IMMP2L: variants seen among roughly 807,000 people sequenced by gnomAD.
IMMP2L encodes the protein inner mitochondrial membrane peptidase subunit 2, also known as mitochondrial inner membrane protease subunit 2.
In IMMP2L, 18 loss-of-function variants were observed where a neutral mutation model predicts 19.3. The observed-to-expected ratio is 0.93, with a 90% CI of 0.64 to 1.38. The LOEUF (loss-of-function observed/expected upper bound fraction) is 1.38, where lower values mean the gene tolerates loss of function less well. Ranked by LOEUF, IMMP2L falls within the 40% of genes most tolerant of loss-of-function variation. IMMP2L has a pLI of 0.00. For missense variants in IMMP2L, 233 were observed against 218.2 expected, an observed-to-expected ratio of 1.07 and a Z score of -0.43; for synonymous variants, 76 against 73.0, an observed-to-expected ratio of 1.04 and a Z score of -0.21.
intron 3 of IMMP2L, among the ~76,000 whole-genome samples, chr7:111,484,064 A>G (rs540009582): frequency 2.6e-5 from 4 of 152,326 alleles, no homozygotes; most frequent in Admixed American, 2.6e-4. Flanking sequence ...GCTTTTCTCT[A>G]TTTATGACTT....
chr7:110,851,340 T>C (rs1318015519), intron 5 of IMMP2L, among the ~76,000 whole-genome samples: 1 of 152,150 alleles, frequency 6.6e-6, no homozygotes, highest in Non-Finnish European at 1.5e-5. Context: ...ATTTATTAAG[T>C]CTAATGTAGA....
chr7:110,932,864 C>A (rs1311123106), intron 4 of IMMP2L, among the ~76,000 whole-genome samples: 2 of 152,128 alleles, frequency 1.3e-5, no homozygotes, highest in African/African-American at 4.8e-5. Flanking sequence ...TCCATGTTGC[C>A]TTTCTGGAGA....
chr7:110,869,342 T>C (rs1259330926), intron 5 of IMMP2L, among the ~76,000 whole-genome samples: 1 of 152,116 alleles, frequency 6.6e-6, no homozygotes, highest in Non-Finnish European at 1.5e-5. Context: ...TATACATAAG[T>C]GCAATAGTTG....
At chr7:111,522,926 C>CATATATATATATACATATATATATATAT (rs148789480) in intron 1 of IMMP2L, among the ~76,000 whole-genome samples, 1 of 134,868 alleles carries the variant, frequency 7.4e-6, no homozygotes, top group Non-Finnish European at 1.6e-5. Context: ...ATGTGAGATA[C>CATATATATATATACATATATATATATAT]ATATATATAT....
At chr7:111,056,783 T>C (rs962648143) in intron 3 of IMMP2L, among the ~76,000 whole-genome samples, 1 of 152,154 alleles carries the variant, frequency 6.6e-6, no homozygotes, top group Non-Finnish European at 1.5e-5. Flanking sequence ...ATATTTACTA[T>C]CCATTAAGTG....
rs77080369 is a variant in IMMP2L, at chr7:111,106,595, A to G, written c.240-143030T>C. ...TTGCTATTTTGAGGTGGAGACTCAA[A>G]TAGGGCAAGAGTTGGTGAAGTATGG... On this transcript the variant is annotated intron_variant, in intron 3 of 5. Transcript: ENST00000405709. 9.8e-3 allele frequency among the ~76,000 whole-genome samples: 1,477 copies of G among 151,260 alleles called. 23 individuals carry two copies. Among genetic ancestry groups the G allele is most frequent in the Non-Finnish European group, 0.011 (733 of 67,698 alleles).
rs910636148 is a variant in IMMP2L, at chr7:111,140,563, G to A, written c.240-176998C>T. On this transcript the variant is annotated intron_variant, in intron 3 of 5. Transcript: ENST00000405709. ...AATAAACTTTGTAAAAACTGAGAAC[G>A]TAAGACATGAGAAAGCTAAGAAATG... 9.9e-5 allele frequency among the ~76,000 whole-genome samples: 15 copies of A among 152,212 alleles called. 1 individual carries two copies. The highest frequency in any genetic ancestry group is 3.4e-3 in the Middle Eastern group (1 of 294).
chr7:111,123,631 A>G lies in IMMP2L; in HGVS notation c.240-160066T>C. On this transcript the variant is annotated intron_variant, in intron 3 of 5. Coordinates refer to ENST00000405709, the MANE Select transcript of IMMP2L (RefSeq NM_032549.4). The surrounding 1 kb of genome is among the most constrained non-coding windows in gnomAD (Gnocchi z 6.4). Reference sequence around the variant, plus strand: ...TGATTTTAGCAATATGCTACACTTAAAAGAGTTGGGGATAAATAATATGCC... The same window carrying G: ...TGATTTTAGCAATATGCTACACTTAGAAGAGTTGGGGATAAATAATATGCC... 1 of 1,613,816 alleles carries G rather than the reference A, an allele frequency of 6.2e-7. No homozygotes were observed. The highest frequency in any genetic ancestry group is 8.5e-7 in the Non-Finnish European group (1 of 1,179,874).
intron 5 of IMMP2L, among the ~76,000 whole-genome samples, chr7:110,875,473 C>T: frequency 6.6e-6 from 1 of 152,054 alleles, no homozygotes; most frequent in East Asian, 1.9e-4. Flanking sequence ...TAGAATTTCT[C>T]CTTGACTAGA....
chr7:110,743,861 G>A (rs1324444311), intron 5 of IMMP2L, among the ~76,000 whole-genome samples: 2 of 148,404 alleles, frequency 1.3e-5, no homozygotes, highest in Non-Finnish European at 3.0e-5. Context: ...AGCTGGAGGA[G>A]TTTTTTTTTT....
Position 111,385,673 on chromosome 7 carries a change from G to A in IMMP2L, c.239+101565C>T, listed in dbSNP as rs1831669244. 2.0e-5 allele frequency among the ~76,000 whole-genome samples: 3 copies of A among 152,056 alleles called. No homozygotes were observed. In the South Asian group the frequency reaches 6.2e-4, roughly 32 times the overall value. The stretch of plus-strand genomic sequence containing the variant: ...CATATAAACGTCATTTTACTCTACT[G>A]GTTACTTGGCTGTCATAAGACAGAA... On this transcript the variant is annotated intron_variant, in intron 3 of 5. Coordinates refer to ENST00000405709, the MANE Select transcript of IMMP2L (RefSeq NM_032549.4).
intron 3 of IMMP2L, among the ~76,000 whole-genome samples, chr7:111,433,982 G>A (rs939238077): frequency 2.0e-5 from 3 of 151,490 alleles, no homozygotes; most frequent in Admixed American, 2.0e-4. Flanking sequence ...ACCCCAAATA[G>A]CCACAGCAAT....
intron 5 of IMMP2L, among the ~76,000 whole-genome samples, chr7:110,813,395 A>G (rs1038104925): frequency 6.6e-6 from 1 of 151,860 alleles, no homozygotes; most frequent in Non-Finnish European, 1.5e-5. Context: ...CTGTGGGTTA[A>G]GAATTATTTA....
intron 3 of IMMP2L, 70 bp from the exon 4 acceptor site, chr7:110,963,635 T>C (rs1010081382): frequency 1.1e-6 from 1 of 906,350 alleles, no homozygotes; most frequent in Non-Finnish European, 1.7e-6. Flanking sequence ...AAAGAAATTC[T>C]ATAACAAAAT....
intron 3 of IMMP2L, among the ~76,000 whole-genome samples, chr7:111,276,628 T>C (rs1296691763): frequency 6.7e-6 from 1 of 149,068 alleles, no homozygotes; most frequent in Non-Finnish European, 1.5e-5. Flanking sequence ...AATCCTAATA[T>C]TCATGTGGAA....
At chr7:110,817,644 C>T (rs544614254) in intron 5 of IMMP2L, among the ~76,000 whole-genome samples, 13 of 152,050 alleles carry the variant, frequency 8.5e-5, no homozygotes, top group South Asian at 2.1e-4. Flanking sequence ...AAAAAGAGCC[C>T]GCATAGCCAA....
At chr7:110,847,990 G>A (rs770745668) in intron 5 of IMMP2L, among the ~76,000 whole-genome samples, 2 of 152,024 alleles carry the variant, frequency 1.3e-5, no homozygotes, top group South Asian at 4.1e-4. Context: ...AATAAATGAC[G>A]TAGGGTATGG....
intron 5 of IMMP2L, among the ~76,000 whole-genome samples, chr7:110,674,153 A>T (rs767790046): frequency 6.6e-5 from 10 of 152,188 alleles, no homozygotes; most frequent in Admixed American, 2.0e-4. Flanking sequence ...CAGAAGGGGA[A>T]GCAAGCATGT....
chr7:110,890,968 A>G (rs1810730039), intron 4 of IMMP2L, among the ~76,000 whole-genome samples: 1 of 152,108 alleles, frequency 6.6e-6, no homozygotes, highest in Admixed American at 6.6e-5. Flanking sequence ...GTATTTCCCA[A>G]ATACATATAC....
Sources: allele counts gnomAD v4.1 joint callset (sites outside exome capture counted in the v4.1 genomes callset), GRCh38; gene constraint gnomAD v4.1.1; non-coding constraint Gnocchi (gnomAD v3.1); transcripts MANE v1.5; gene names NCBI Gene and HGNC (gene_info 2026-07-23, HGNC 2026-07-21).